The following PPL variants were observed in gnomAD, a reference collection of about 807,000 sequenced individuals.
PPL encodes the protein periplakin, also known as 190 kDa paraneoplastic pemphigus antigen.
PPL carries 198 observed loss-of-function variants against 194.4 expected under a neutral mutation model. The ratio of observed to expected loss-of-function variants is 1.02; its 90% confidence interval spans 0.91 to 1.15. The LOEUF (loss-of-function observed/expected upper bound fraction) is 1.15, where lower values mean the gene tolerates loss of function less well. PPL is among the 50% of genes most tolerant of loss of function. The probability of loss-of-function intolerance (pLI) is 0.00; values close to 1 mark genes in which losing one functional copy is unlikely to be tolerated. For missense variants in PPL, 2,885 were observed against 2,294.8 expected, an observed-to-expected ratio of 1.26 and a Z score of -5.25; for synonymous variants, 1,220 against 972.4, an observed-to-expected ratio of 1.25 and a Z score of -4.74.
chr16:4,886,145 A>T, intron 21 of PPL, 98 bp from the exon 22 acceptor site: 1 of 1,444,880 alleles, frequency 6.9e-7, no homozygotes, highest in South Asian at 1.2e-5. Flanking sequence ...GTGGTCCCCA[A>T]GGGACTCCCT....
intron 1 of PPL, among the ~76,000 whole-genome samples, chr16:4,914,244 C>T (rs1313263828): frequency 2.0e-5 from 3 of 152,218 alleles, no homozygotes; most frequent in African/African-American, 7.2e-5. Flanking sequence ...CTCCCCAGAT[C>T]AAGGTTCTGG....
At chr16:4,935,209 G>A (rs974908110) in intron 1 of PPL, among the ~76,000 whole-genome samples, 3 of 152,130 alleles carry the variant, frequency 2.0e-5, no homozygotes, top group African/African-American at 7.2e-5. Context: ...ATGCTTCTGG[G>A]AAAGCCCGCA....
At chr16:4,911,289 G>A (rs961696505) in intron 1 of PPL, among the ~76,000 whole-genome samples, 1 of 148,798 alleles carries the variant, frequency 6.7e-6, no homozygotes, top group Non-Finnish European at 1.5e-5. Flanking sequence ...AGCCTCCCCA[G>A]TAGCTGAGAT....
intron 1 of PPL, among the ~76,000 whole-genome samples, chr16:4,915,711 ATACT>A (rs1400400631): frequency 6.6e-6 from 1 of 152,196 alleles, no homozygotes; most frequent in Non-Finnish European, 1.5e-5. Context: ...ATATGAGCTA[ATACT>A]TACTCTCTAC....
At chr16:4,935,839 T>C (rs2089290547) in intron 1 of PPL, among the ~76,000 whole-genome samples, 1 of 152,110 alleles carries the variant, frequency 6.6e-6, no homozygotes, top group African/African-American at 2.4e-5. Flanking sequence ...GAGGAGCTGC[T>C]TGAGGGCACA....
At chr16:4,892,011 CCA>C in intron 15 of PPL, 22 bp downstream of exon 15, 2 of 1,611,760 alleles carry the variant, frequency 1.2e-6, no homozygotes, top group South Asian at 2.2e-5. Flanking sequence ...ACCCCAACCT[CCA>C]TGCTGCCTGT....
At position 4,884,359 on chromosome 16, in the gene PPL, C is replaced by G. The variant is rs202089401; in HGVS notation, c.4296G>C (p.Gln1432His). The change falls in exon 22 of 22, where the codon CAG (glutamine) becomes CAC (histidine). Residue 1432 changes from glutamine to histidine, a missense_variant. Gln to His is a conservative substitution (Grantham distance 24). Transcript: ENST00000345988. The surrounding 1 kb of genome is among the most constrained non-coding windows in gnomAD (Gnocchi z 5.7). ...RLQQRLAALE[Q>H]EEAEAREKVT... is the part of the protein sequence containing the mutation. Reference sequence around the variant, plus strand: ...CCTTCTCACGGGCCTCAGCTTCTTCCTGCTCCAGCGCTGCCAGCCGCTGCT... The same window carrying G: ...CCTTCTCACGGGCCTCAGCTTCTTCGTGCTCCAGCGCTGCCAGCCGCTGCT... The G allele has an allele frequency of 1.2e-5, 19 of 1,612,386 alleles. No homozygotes were observed. In the East Asian group the frequency reaches 4.2e-4, roughly 36 times the overall value.
intron 1 of PPL, among the ~76,000 whole-genome samples, chr16:4,928,780 G>C (rs913052154): frequency 1.3e-5 from 2 of 152,088 alleles, no homozygotes; most frequent in African/African-American, 4.8e-5. Context: ...GGAAGCCGAG[G>C]CAGGTGGATC....
In PPL at chr16:4,899,076, G is replaced by C; in HGVS notation, c.813C>G (p.Asn271Lys). ...GCTGGTCGCCCTCGCTGTGCAGTTTGTTGATTCTCTCCTCTTTGGCCTCCA... is the reference window on the plus strand; with the variant it reads ...GCTGGTCGCCCTCGCTGTGCAGTTTCTTGATTCTCTCCTCTTTGGCCTCCA... ...RNLEAKEERI[N>K]KLHSEGDQLL... The change falls in exon 8 of 22, where the codon AAC becomes AAG. Residue 271 changes from asparagine to lysine, a missense_variant. Transcript: ENST00000345988. The C allele has an allele frequency of 3.7e-6, 6 of 1,613,194 alleles. No individual in the cohort carries two copies. The highest frequency in any genetic ancestry group is 5.1e-6 in the Non-Finnish European group (6 of 1,179,548).
At chr16:4,887,322 T>A in intron 20 of PPL, 95 bp from the exon 21 acceptor site, 1 of 952,258 alleles carries the variant, frequency 1.1e-6, no homozygotes, top group Non-Finnish European at 1.7e-6. Flanking sequence ...TCTTGAGAAG[T>A]GTGGAATTTG....
chr16:4,926,982 T>C (rs991845249), intron 1 of PPL, among the ~76,000 whole-genome samples: 1 of 151,818 alleles, frequency 6.6e-6, no homozygotes, highest in African/African-American at 2.4e-5. Flanking sequence ...AATCTAACTT[T>C]AATGATGAAA....
intron 1 of PPL, among the ~76,000 whole-genome samples, chr16:4,935,327 G>A (rs965820312): frequency 2.6e-5 from 4 of 152,298 alleles, no homozygotes; most frequent in Non-Finnish European, 4.4e-5. Context: ...GGCAGAGGGC[G>A]GGGCGAGGCC....
intron 1 of PPL, among the ~76,000 whole-genome samples, chr16:4,929,759 T>A (rs538002464): frequency 1.3e-5 from 2 of 152,170 alleles, no homozygotes; most frequent in African/African-American, 2.4e-5. Flanking sequence ...CAATCACAGC[T>A]CACTGCAGCC....
In PPL at chr16:4,934,529, G is replaced by C. The variant is rs147094753; in HGVS notation, c.62+2455C>G. Among the ~76,000 whole-genome samples, 595 of 152,238 alleles carry C rather than the reference G, an allele frequency of 3.9e-3. 4 individuals are homozygous for C. The highest frequency in any genetic ancestry group is 0.027 in the Middle Eastern group (8 of 294). On this transcript the variant is annotated intron_variant, in intron 1 of 21. Coordinates refer to ENST00000345988, the MANE Select transcript of PPL (RefSeq NM_002705.5). ...GTGCAGAAAGGGAAAACAAGGCTTC[G>C]AGAGGCTCCAGGGTGGAGATGCCAG...
intron 9 of PPL, 30 bp downstream of exon 9, chr16:4,897,645 G>A: frequency 6.4e-7 from 1 of 1,562,772 alleles, no homozygotes; most frequent in Non-Finnish European, 8.8e-7. Flanking sequence ...CACCCCCGGT[G>A]CTGGGGGGAC....
chr16:4,888,774 T>G, intron 19 of PPL: 1 of 590,158 alleles, frequency 1.7e-6, no homozygotes, highest in East Asian at 2.6e-5. Flanking sequence ...TGCTTCAGAG[T>G]ATAAAACCCT....
At chr16:4,919,193 C>G (rs1044196553) in intron 1 of PPL, among the ~76,000 whole-genome samples, 1 of 152,172 alleles carries the variant, frequency 6.6e-6, no homozygotes, top group East Asian at 1.9e-4. Context: ...CGCTGGCCCT[C>G]GAAGGGGCCT....
In PPL at chr16:4,916,720, G is replaced by C. The variant is rs1400459164; in HGVS notation, c.63-5771C>G. Reference sequence around the variant, plus strand: ...AGGTTTCGCCATGTTGCCCCAGCTGGTCTTGAACCCCTGGGCTCAAGCAAT... The same window carrying C: ...AGGTTTCGCCATGTTGCCCCAGCTGCTCTTGAACCCCTGGGCTCAAGCAAT... On this transcript the variant is annotated intron_variant, in intron 1 of 21. Transcript: ENST00000345988. Among the ~76,000 whole-genome samples, 8 of 151,690 alleles carry C rather than the reference G, an allele frequency of 5.3e-5. No individual in the cohort carries two copies. The South Asian group carries it at 8.3e-4, about 16-fold the overall frequency.
chr16:4,899,472 T>C lies in PPL; in HGVS notation c.607-88A>G, dbSNP rs182279011. The C allele has an allele frequency of 8.0e-6, 12 of 1,507,892 alleles. No individual in the cohort carries two copies. In the African/African-American group the frequency reaches 1.2e-4, roughly 16 times the overall value. 93.4% of individuals were successfully genotyped at this position (1,507,892 alleles called of 1,614,324 possible). A position where few individuals can be genotyped will look rare whatever the true frequency, so the allele number is the denominator to read the frequency against. ...CCCTACCTCCTGCAGGGCCCAGCTA[T>C]GGCTGGCCTGAGGACAAGCCCAGCT... On this transcript the variant is annotated intron_variant, in intron 6 of 21. Coordinates refer to ENST00000345988, the MANE Select transcript of PPL (RefSeq NM_002705.5).
Sources: allele counts gnomAD v4.1 joint callset (sites outside exome capture counted in the v4.1 genomes callset), GRCh38; gene constraint gnomAD v4.1.1; non-coding constraint Gnocchi (gnomAD v3.1); transcripts MANE v1.5; gene names NCBI Gene and HGNC (gene_info 2026-07-23, HGNC 2026-07-21).